ADAMTS20: variants seen among roughly 807,000 people sequenced by gnomAD.
ADAMTS20 encodes ADAM metallopeptidase with thrombospondin type 1 motif 20, also known as A disintegrin and metalloproteinase with thrombospondin motifs 20.
Under a neutral mutation model 260.1 loss-of-function variants are expected in ADAMTS20, and 225 were observed. That is an observed-to-expected ratio of 0.87 (90% CI 0.78 to 0.97). The LOEUF (loss-of-function observed/expected upper bound fraction) is 0.97, where lower values mean the gene tolerates loss of function less well. Ranked by LOEUF, ADAMTS20 falls within the 50% of genes least tolerant of loss-of-function variation. The probability of loss-of-function intolerance (pLI) is 0.00; values close to 1 mark genes in which losing one functional copy is unlikely to be tolerated. For synonymous variants in ADAMTS20, 802 were observed against 769.5 expected (o/e 1.04, Z -0.70); for missense variants, 2,400 against 2,337.7 (o/e 1.03, Z -0.55).
intron 18 of ADAMTS20, among the ~76,000 whole-genome samples, chr12:43,439,327 A>C (rs542225054): frequency 1.3e-5 from 2 of 152,084 alleles, no homozygotes; most frequent in Admixed American, 1.3e-4. Flanking sequence ...GATATATATA[A>C]GTTAGAGAAA....
chr12:43,502,010 T>G (rs1235281358), intron 4 of ADAMTS20, 142 bp downstream of exon 4: 8 of 745,780 alleles, frequency 1.1e-5, no homozygotes, highest in Non-Finnish European at 1.6e-5. Context: ...TAAACTAAAC[T>G]TCAATGAAAT....
chr12:43,382,849 A>G, intron 31 of ADAMTS20, among the ~76,000 whole-genome samples: 1 of 152,048 alleles, frequency 6.6e-6, no homozygotes, highest in East Asian at 1.9e-4. Flanking sequence ...CTGGATGGGG[A>G]TCAGACATCA....
intron 28 of ADAMTS20, among the ~76,000 whole-genome samples, chr12:43,401,281 C>T (rs989221335): frequency 6.6e-6 from 1 of 151,848 alleles, no homozygotes; most frequent in Non-Finnish European, 1.5e-5. Flanking sequence ...AGACATTGTC[C>T]AGCTGTGTCT....
At position 43,551,667 on chromosome 12, in the gene ADAMTS20, C is replaced by T. The variant is rs1943519540; in HGVS notation, c.91+164G>A. Among the ~76,000 whole-genome samples, 1 of 152,206 alleles carries T rather than the reference C, an allele frequency of 6.6e-6. No individual in the cohort carries two copies. Among genetic ancestry groups the T allele is most frequent in the Admixed American group, 6.5e-5 (1 of 15,286 alleles). ...TAGGCGCGCGCGATTCCTCGAAACC[C>T]GGCGCAGTCGCGACCTCTCCGGCTG... On this transcript the variant is annotated intron_variant, in intron 1 of 38. Coordinates refer to ENST00000389420, the MANE Select transcript of ADAMTS20 (RefSeq NM_025003.5). The surrounding 1 kb of genome is among the most constrained non-coding windows in gnomAD (Gnocchi z 4.6).
At chr12:43,477,239 AGTCCAGAAT>A (rs1379342873) in intron 7 of ADAMTS20, among the ~76,000 whole-genome samples, 1 of 152,178 alleles carries the variant, frequency 6.6e-6, no homozygotes, top group Non-Finnish European at 1.5e-5. Context: ...CTATAGGAAT[AGTCCAGAAT>A]GTCTAGCATT....
intron 7 of ADAMTS20, among the ~76,000 whole-genome samples, chr12:43,472,041 C>A (rs2137395522): frequency 6.6e-6 from 1 of 152,182 alleles, no homozygotes; most frequent in South Asian, 2.1e-4. Context: ...TTACTCTGAG[C>A]TACGGGAGGA....
At chr12:43,501,070 T>TTTTTTC (rs1942751849) in intron 4 of ADAMTS20, among the ~76,000 whole-genome samples, 1 of 148,190 alleles carries the variant, frequency 6.7e-6, no homozygotes, top group Non-Finnish European at 1.5e-5. Flanking sequence ...TTTTTTTTTT[T>TTTTTTC]TTTTTGAGTC....
At position 43,452,394 on chromosome 12, in the gene ADAMTS20, A is replaced by G. The variant is rs750038593; in HGVS notation, c.1959T>C (p.Arg653=). The G allele has an allele frequency of 2.5e-6, 4 of 1,611,758 alleles. No individual in the cohort carries two copies. The South Asian group carries it at 4.4e-5, about 18-fold the overall frequency. ...PRYSGIGTKD[R]CKLYCQVAGT... ...CAGCAACCTGACAATAGAGTTTACA[A>G]CGATCCTTTGTGCCAACTGTAAAAA... Residue 653 remains arginine (R), a synonymous_variant, in exon 14 of 39, where the codon CGT becomes CGC. Transcript: ENST00000389420.
At chr12:43,478,446 GATAAA>G (rs1942392768) in intron 7 of ADAMTS20, among the ~76,000 whole-genome samples, 3 of 151,802 alleles carry the variant, frequency 2.0e-5, no homozygotes, top group African/African-American at 7.3e-5. Context: ...GGTGAAAACA[GATAAA>G]ATAATAGGAT....
At chr12:43,440,234 C>T (rs554680473) in intron 16 of ADAMTS20, among the ~76,000 whole-genome samples, 165 bp from the exon 17 acceptor site, 3 of 150,328 alleles carry the variant, frequency 2.0e-5, no homozygotes, top group African/African-American at 7.4e-5. Context: ...ACCTTCGCCT[C>T]GCCTCTTGGA....
chr12:43,381,772 C>CTTT (rs747454270), intron 31 of ADAMTS20, among the ~76,000 whole-genome samples: 2,921 of 92,340 alleles, frequency 0.032, 53 homozygotes, highest in East Asian at 0.11. Flanking sequence ...CAGAACAAGA[C>CTTT]TGCATCTCAA....
chr12:43,550,771 C>T (rs1392028998), intron 2 of ADAMTS20, 138 bp downstream of exon 2: 2 of 1,309,802 alleles, frequency 1.5e-6, no homozygotes, highest in South Asian at 3.4e-5. Context: ...TTGCCTCTGG[C>T]TTGGTGTTAA....
chr12:43,490,706 T>C (rs1330159907), intron 6 of ADAMTS20, among the ~76,000 whole-genome samples: 2 of 152,154 alleles, frequency 1.3e-5, no homozygotes, highest in African/African-American at 4.8e-5. Context: ...ATGTCTCTGC[T>C]TTTACTTACA....
At chr12:43,494,983 T>G (rs1942656874) in intron 4 of ADAMTS20, among the ~76,000 whole-genome samples, 1 of 152,150 alleles carries the variant, frequency 6.6e-6, no homozygotes, top group Non-Finnish European at 1.5e-5. Context: ...TATCCAGTGG[T>G]CCACAGAAAA....
At chr12:43,449,080 T>A (rs1941816362) in intron 14 of ADAMTS20, among the ~76,000 whole-genome samples, 1 of 152,140 alleles carries the variant, frequency 6.6e-6, no homozygotes, top group Non-Finnish European at 1.5e-5. Flanking sequence ...GTGTGGCGAT[T>A]CCCTAAAGAG....
intron 14 of ADAMTS20, among the ~76,000 whole-genome samples, chr12:43,449,474 G>T (rs1341264736): frequency 6.6e-6 from 1 of 151,952 alleles, no homozygotes; most frequent in East Asian, 1.9e-4. Flanking sequence ...ACACACACTG[G>T]GGCCTGCTGA....
At chr12:43,387,383 C>A (rs1175006924) in intron 29 of ADAMTS20, among the ~76,000 whole-genome samples, 2 of 152,144 alleles carry the variant, frequency 1.3e-5, no homozygotes, top group Non-Finnish European at 2.9e-5. Context: ...GAGGGGCACC[C>A]ATCAGATGCC....
chr12:43,452,152 T>TAA, intron 14 of ADAMTS20, 122 bp downstream of exon 14: 1 of 1,047,814 alleles, frequency 9.5e-7, no homozygotes. Flanking sequence ...CAAAGGTTGC[T>TAA]TTGTTGGAAT....
At chr12:43,483,794 G>T (rs533607904) in intron 7 of ADAMTS20, among the ~76,000 whole-genome samples, 1 of 152,082 alleles carries the variant, frequency 6.6e-6, no homozygotes, top group Non-Finnish European at 1.5e-5. Context: ...CCAACACTGG[G>T]GTATTGCATT....
Sources: allele counts gnomAD v4.1 joint callset (sites outside exome capture counted in the v4.1 genomes callset), GRCh38; gene constraint gnomAD v4.1.1; non-coding constraint Gnocchi (gnomAD v3.1); transcripts MANE v1.5; gene names NCBI Gene and HGNC (gene_info 2026-07-23, HGNC 2026-07-21).